RIMKLA: variants seen among roughly 807,000 people sequenced by gnomAD.
The protein encoded by RIMKLA is ribosomal modification protein rimK like family member A.
In RIMKLA, 14 loss-of-function variants were observed where a neutral mutation model predicts 32.7. The ratio of observed to expected loss-of-function variants is 0.43; its 90% CI spans 0.28 to 0.67. RIMKLA has a LOEUF of 0.67. Among genes scored for constraint, RIMKLA ranks in the 30% least tolerant of loss-of-function variants. RIMKLA has a pLI of 0.18. For synonymous variants in RIMKLA, 176 were observed against 204.1 expected (o/e 0.86, Z 1.18); for missense variants, 410 against 519.0 (o/e 0.79, Z 2.04).
intron 1 of RIMKLA, among the ~76,000 whole-genome samples, chr1:42,395,866 T>G (rs1034266066): frequency 4.6e-5 from 7 of 152,204 alleles, no homozygotes; most frequent in African/African-American, 9.6e-5. Context: ...AGCAGCTGCT[T>G]CTTGTCTACT....
intron 1 of RIMKLA, among the ~76,000 whole-genome samples, chr1:42,394,985 C>T (rs1056788535): frequency 7.2e-5 from 11 of 152,186 alleles, no homozygotes; most frequent in Middle Eastern, 3.4e-3. Flanking sequence ...GTGATCCACC[C>T]GCCTTGGCCT....
chr1:42,385,739 CTT>C (rs772340496), intron 1 of RIMKLA, among the ~76,000 whole-genome samples: 1 of 118,202 alleles, frequency 8.5e-6, no homozygotes, highest in African/African-American at 4.9e-5. Context: ...TTCTTTCTTT[CTT>C]TCTTTCTTTC....
At chr1:42,401,317 C>T (rs530772853) in intron 2 of RIMKLA, among the ~76,000 whole-genome samples, 3 of 152,104 alleles carry the variant, frequency 2.0e-5, no homozygotes, top group South Asian at 4.2e-4. Context: ...GTTGGGGACT[C>T]CTGCTTTAGG....
intron 1 of RIMKLA, among the ~76,000 whole-genome samples, chr1:42,394,781 G>C (rs1000533227): frequency 5.3e-5 from 8 of 151,542 alleles, no homozygotes; most frequent in African/African-American, 1.9e-4. Flanking sequence ...TTGTTGCCCA[G>C]GCTGGAGTGC....
intron 2 of RIMKLA, among the ~76,000 whole-genome samples, chr1:42,402,224 C>G (rs1411814856): frequency 6.6e-6 from 1 of 152,124 alleles, no homozygotes; most frequent in African/African-American, 2.4e-5. Flanking sequence ...CCTGAGATAC[C>G]CAAGTCCTAA....
rs1016382803 is a variant in RIMKLA, at chr1:42,384,532, CAT to C, written c.163+3442_163+3443del. 2.7e-3 allele frequency among the ~76,000 whole-genome samples: 375 copies of C among 138,804 alleles called. 3 individuals are homozygous for C. Among genetic ancestry groups the C allele is most frequent in the African/African-American group, 9.1e-3 (341 of 37,594 alleles). 91.1% of individuals were successfully genotyped at this position (138,804 alleles called of 152,430 possible). Reference sequence around the variant, plus strand: ...ATATGTATATATGTGTGTATATATACATATATATGTATATATATGTGTGTATA... The same window carrying C: ...ATATGTATATATGTGTGTATATATACATATATGTATATATATGTGTGTATA... On this transcript the variant is annotated intron_variant, in intron 1 of 4. Coordinates refer to ENST00000431473, the MANE Select transcript of RIMKLA (RefSeq NM_173642.4).
At chr1:42,409,859 TAGAAG>T (rs1643181754) in intron 3 of RIMKLA, 120 bp from the exon 4 acceptor site, 9 of 738,054 alleles carry the variant, frequency 1.2e-5, no homozygotes, top group African/African-American at 1.8e-5. Flanking sequence ...AGCAGAGAAA[TAGAAG>T]GGACCAAAGT....
Position 42,423,726 on chromosome 1 carries a change from T to C in RIMKLA, c.*8752T>C, listed in dbSNP as rs902547231. 3.9e-5 allele frequency among the ~76,000 whole-genome samples: 6 copies of C among 152,204 alleles called. No homozygotes were observed. Among genetic ancestry groups the C allele is most frequent in the African/African-American group, 1.4e-4 (6 of 41,456 alleles). ...GAGTTACATGGTGTCCCTCTAGGAC[T>C]CTCCCAGCTTCATGCTGCTGGCACC... On this transcript the variant is annotated 3_prime_UTR_variant, in exon 5 of 5. Transcript: ENST00000431473.
rs912251721 is a variant in RIMKLA at position 42,380,992 on chromosome 1, G to C, written c.58G>C (p.Val20Leu). ...DRRIREDYPQ[V>L]QILRALRQRC... Reference sequence around the variant, plus strand: ...GCGCATCCGCGAGGACTACCCGCAGGTGCAGATCCTGCGCGCCCTCCGGCA... The same window carrying C: ...GCGCATCCGCGAGGACTACCCGCAGCTGCAGATCCTGCGCGCCCTCCGGCA... Residue 20 changes from valine to leucine, a missense_variant, in exon 1 of 5, where the codon GTG becomes CTG. By Grantham distance (32) the Val-to-Leu change is conservative (BLOSUM62 1). Coordinates refer to ENST00000431473, the MANE Select transcript of RIMKLA (RefSeq NM_173642.4). 6.2e-6 allele frequency: 9 copies of C among 1,445,862 alleles called. No individual in the cohort carries two copies. The African/African-American group carries it at 1.3e-4, about 21-fold the overall frequency. The allele number at this position is 1,445,862 out of a possible 1,614,324, so 89.6% of individuals were successfully genotyped here.
chr1:42,410,260 T>C, intron 4 of RIMKLA, 73 bp downstream of exon 4: 1 of 1,264,674 alleles, frequency 7.9e-7, no homozygotes, highest in Non-Finnish European at 1.1e-6. Flanking sequence ...ATCCCTACTG[T>C]CTTGTCAGAC....
chr1:42,412,440 TCTTA>T (rs2148395825), intron 4 of RIMKLA: 3 of 303,880 alleles, frequency 9.9e-6, no homozygotes, highest in South Asian at 9.0e-5. Flanking sequence ...TGTATTTTCA[TCTTA>T]CTTCTTCACA....
rs1193404341 is a variant in RIMKLA at position 42,414,672 on chromosome 1, G to A, written c.874G>A (p.Gly292Ser). ...TGACCAGGCATGCAACTTAGATGTG[G>A]GTGGGATCATTGCAGACTATACCAT... ...AFDQACNLDV[G>S]GIIADYTMSL... Residue 292 changes from glycine (G) to serine (S), a missense_variant, in exon 5 of 5, where the codon GGT becomes AGT. By Grantham distance (56) the Gly-to-Ser change is moderately conservative. Coordinates refer to ENST00000431473, the MANE Select transcript of RIMKLA (RefSeq NM_173642.4). 1 of 1,614,180 alleles carries A rather than the reference G, an allele frequency of 6.2e-7. No individual in the cohort carries two copies. Among genetic ancestry groups the A allele is most frequent in the East Asian group, 2.2e-5 (1 of 44,880 alleles).
chr1:42,396,694 G>A (rs531465108), intron 1 of RIMKLA, among the ~76,000 whole-genome samples: 2 of 152,298 alleles, frequency 1.3e-5, no homozygotes, highest in South Asian at 4.1e-4. Context: ...TCATGTTTCT[G>A]TTGTAAAGCT....
At chr1:42,383,970 G>T (rs933061634) in intron 1 of RIMKLA, among the ~76,000 whole-genome samples, 1 of 152,162 alleles carries the variant, frequency 6.6e-6, no homozygotes, top group African/African-American at 2.4e-5. Flanking sequence ...GGAAATTCAG[G>T]TATCACCTTT....
At chr1:42,386,366 C>A (rs1473215155) in intron 1 of RIMKLA, among the ~76,000 whole-genome samples, 1 of 152,042 alleles carries the variant, frequency 6.6e-6, no homozygotes, top group Admixed American at 6.6e-5. Flanking sequence ...ACCTCCTTGC[C>A]ACTACCCTCA....
At chr1:42,395,969 G>A (rs1220268779) in intron 1 of RIMKLA, among the ~76,000 whole-genome samples, 1 of 152,036 alleles carries the variant, frequency 6.6e-6, no homozygotes, top group South Asian at 2.1e-4. Flanking sequence ...CGCTGGGGGC[G>A]GTGGCTCACG....
chr1:42,405,544 C>A (rs1044969759), intron 3 of RIMKLA, among the ~76,000 whole-genome samples: 7 of 152,182 alleles, frequency 4.6e-5, no homozygotes, highest in African/African-American at 1.7e-4. Context: ...GAGGGAAGGT[C>A]ACCCTAAATA....
Position 42,415,363 on chromosome 1 carries a change from G to T in RIMKLA, c.*389G>T. The T allele has an allele frequency of 5.0e-6, 1 of 201,254 alleles. No homozygotes were observed. The highest frequency in any genetic ancestry group is 1.0e-5 in the Non-Finnish European group (1 of 98,414). 12.5% of individuals were successfully genotyped at this position (201,254 alleles called of 1,614,324 possible). A position where few individuals can be genotyped will look rare whatever the true frequency, so the allele number is the denominator to read the frequency against. Reference sequence around the variant, plus strand: ...GATGGAAGCATGTGCAGACGAGGTGGAATGTGACTGCAGTAATAGGTTCTT... The same window carrying T: ...GATGGAAGCATGTGCAGACGAGGTGTAATGTGACTGCAGTAATAGGTTCTT... On this transcript the variant is annotated 3_prime_UTR_variant, in exon 5 of 5. Coordinates refer to ENST00000431473, the MANE Select transcript of RIMKLA (RefSeq NM_173642.4).
chr1:42,398,545 A>G (rs774225376), intron 1 of RIMKLA, among the ~76,000 whole-genome samples: 19 of 152,364 alleles, frequency 1.2e-4, no homozygotes, highest in Middle Eastern at 3.4e-3. Context: ...AAATGTTGGT[A>G]TATTTCCTTC....
Sources: gnomAD v4.1 joint callset for allele counts (sites outside exome capture counted in the v4.1 genomes callset) on GRCh38, gnomAD v4.1.1 for gene constraint, MANE v1.5 for transcripts, NCBI Gene and HGNC (gene_info 2026-07-23, HGNC 2026-07-21) for gene names.